Variants in MARCO observed in about 807,000 individuals in gnomAD.
MARCO encodes macrophage receptor with collagenous structure, also known as macrophage receptor MARCO.
A neutral mutation model predicts 70.0 loss-of-function variants in MARCO; 72 were observed. That is an observed-to-expected ratio of 1.03 (90% CI 0.85 to 1.25). MARCO has a LOEUF of 1.25. Among genes scored for constraint, MARCO ranks in the 50% most tolerant of loss-of-function variants. MARCO has a pLI of 0.00. For missense variants in MARCO, 696 were observed against 659.3 expected (o/e 1.06, Z -0.61); for synonymous variants, 273 against 243.1 (o/e 1.12, Z -1.14).
intron 12 of MARCO, among the ~76,000 whole-genome samples, chr2:118,986,755 A>G (rs1255379279): frequency 6.6e-6 from 1 of 151,730 alleles, no homozygotes; most frequent in Non-Finnish European, 1.5e-5. Context: ...AAAGAGAAAG[A>G]AAGAAGAAAG....
chr2:118,955,593 G>A (rs572700313), intron 1 of MARCO, among the ~76,000 whole-genome samples: 194 of 152,282 alleles, frequency 1.3e-3, no homozygotes, highest in African/African-American at 4.4e-3. Flanking sequence ...AACACAAGAA[G>A]CACAAAGAAG....
chr2:118,970,609 G>A (rs558016913), intron 3 of MARCO, among the ~76,000 whole-genome samples: 4 of 152,308 alleles, frequency 2.6e-5, no homozygotes, highest in Non-Finnish European at 5.9e-5. Context: ...TGGGGAGAGA[G>A]CAACTGAAGG....
At chr2:118,971,655 A>G in intron 4 of MARCO, 121 bp downstream of exon 4, 1 of 933,212 alleles carries the variant, frequency 1.1e-6, no homozygotes, top group Non-Finnish European at 1.7e-6. Context: ...CCCTGTCTCC[A>G]CAGCCTCCTT....
chr2:118,986,330 C>G (rs1411805230), intron 12 of MARCO, among the ~76,000 whole-genome samples: 2 of 148,960 alleles, frequency 1.3e-5, no homozygotes, highest in African/African-American at 5.1e-5. Context: ...CGGGGCAAGA[C>G]AGCAATGTCC....
At chr2:118,969,371 C>A in intron 2 of MARCO, 110 bp downstream of exon 2, 1 of 763,154 alleles carries the variant, frequency 1.3e-6, no homozygotes, top group Non-Finnish European at 2.2e-6. Flanking sequence ...GCCACTGCTC[C>A]CATCTGCTGG....
intron 1 of MARCO, among the ~76,000 whole-genome samples, chr2:118,959,014 G>T (rs933485864): frequency 1.3e-5 from 2 of 152,104 alleles, no homozygotes; most frequent in Admixed American, 6.5e-5. Flanking sequence ...TTAAACCAAA[G>T]ACCTGAAACT....
intron 1 of MARCO, among the ~76,000 whole-genome samples, chr2:118,946,409 T>A (rs1325968746): frequency 1.3e-5 from 2 of 152,238 alleles, no homozygotes; most frequent in Admixed American, 6.5e-5. Flanking sequence ...GAATGTTACA[T>A]AAAGAAATTA....
At chr2:118,992,146 G>T (rs1680634679) in intron 14 of MARCO, among the ~76,000 whole-genome samples, 2 of 152,178 alleles carry the variant, frequency 1.3e-5, no homozygotes, top group Admixed American at 6.5e-5. Context: ...CTCCTAGGCA[G>T]TTTCCATGAA....
At chr2:118,949,431 G>A (rs2104547809) in intron 1 of MARCO, 1 of 152,280 alleles carries the variant, frequency 6.6e-6, no homozygotes, top group South Asian at 2.1e-4. Flanking sequence ...TTTGTCATTT[G>A]GCATGAGGCG....
At chr2:118,987,534 A>G (rs1253290368) in intron 12 of MARCO, among the ~76,000 whole-genome samples, 1 of 152,210 alleles carries the variant, frequency 6.6e-6, no homozygotes, top group Non-Finnish European at 1.5e-5. Flanking sequence ...TGCTATAGGA[A>G]CTGTGGGTCT....
At position 118,993,319 on chromosome 2, in the gene MARCO, G is replaced by A. The variant is rs370770232; in HGVS notation, c.1429+19G>A. 41 of 1,612,286 alleles carry A rather than the reference G, an allele frequency of 2.5e-5. No individual in the cohort carries two copies. Among genetic ancestry groups the A allele is most frequent in the East Asian group, 1.1e-4 (5 of 44,870 alleles). The stretch of plus-strand genomic sequence containing the variant: ...GGAGCTGGTAAGTGAGTCATCAGCC[G>A]GGGGCCTCTTCCCCAGAGGTGTGGA... On this transcript the variant is annotated intron_variant, in intron 16 of 16. Coordinates refer to ENST00000327097, the MANE Select transcript of MARCO (RefSeq NM_006770.4).
intron 1 of MARCO, among the ~76,000 whole-genome samples, chr2:118,955,288 C>G (rs995910849): frequency 6.6e-6 from 1 of 152,030 alleles, no homozygotes; most frequent in Admixed American, 6.6e-5. Flanking sequence ...TTTGGACACA[C>G]TTTTAGAGAT....
intron 1 of MARCO, among the ~76,000 whole-genome samples, chr2:118,961,682 G>A (rs1558833485): frequency 6.6e-6 from 1 of 152,140 alleles, no homozygotes; most frequent in African/African-American, 2.4e-5. Flanking sequence ...TGTTCACTCT[G>A]ATGATAGTGT....
intron 14 of MARCO, 90 bp downstream of exon 14, chr2:118,991,965 A>T (rs1185372147): frequency 1.5e-5 from 14 of 932,646 alleles, no homozygotes; most frequent in Non-Finnish European, 2.3e-5. Flanking sequence ...CTGTTTTAAG[A>T]GTTCTGGGGA....
rs369616250 is a variant in MARCO, at chr2:118,994,496, C to T, written c.1539C>T (p.Asp513=). ...WGHHDCSHEE[D]AGVECSV is the part of the protein sequence containing the mutation. The stretch of plus-strand genomic sequence containing the variant: ...ATCATGACTGCAGCCACGAGGAGGA[C>T]GCAGGCGTGGAGTGCAGCGTCTGAC... Residue 513 remains aspartate (D), a synonymous_variant, in exon 17 of 17, where the codon GAC becomes GAT. Coordinates refer to ENST00000327097, the MANE Select transcript of MARCO (RefSeq NM_006770.4). 34 of 1,609,138 alleles carry T rather than the reference C, an allele frequency of 2.1e-5. No individual in the cohort carries two copies. Among genetic ancestry groups the T allele is most frequent in the South Asian group, 3.3e-5 (3 of 90,298 alleles).
At position 118,992,492 on chromosome 2, in the gene MARCO, A is replaced by G; in HGVS notation, c.1252+16A>G. 6.3e-7 allele frequency: 1 copy of G among 1,595,722 alleles called. No individual in the cohort carries two copies. The highest frequency in any genetic ancestry group is 8.6e-7 in the Non-Finnish European group (1 of 1,163,256). Reference sequence around the variant, plus strand: ...GGTGAAAGAGGTAATCACTATTTATATTATCTTTAATGTGTGCTTTAAAGT... The same window carrying G: ...GGTGAAAGAGGTAATCACTATTTATGTTATCTTTAATGTGTGCTTTAAAGT... On this transcript the variant is annotated intron_variant, in intron 15 of 16. Transcript: ENST00000327097.
chr2:118,968,906 C>G (rs369325225), intron 1 of MARCO, among the ~76,000 whole-genome samples: 2 of 152,176 alleles, frequency 1.3e-5, no homozygotes, highest in East Asian at 3.8e-4. Context: ...GATATGACAC[C>G]TTTTCCAGCA....
chr2:118,958,885 G>A (rs958221193), intron 1 of MARCO, among the ~76,000 whole-genome samples: 1 of 151,916 alleles, frequency 6.6e-6, no homozygotes, highest in African/African-American at 2.4e-5. Flanking sequence ...ATAAAGTGGG[G>A]AAAGGACACC....
chr2:118,979,771 C>T (rs1216509430), intron 8 of MARCO, among the ~76,000 whole-genome samples: 1 of 152,188 alleles, frequency 6.6e-6, no homozygotes, highest in African/African-American at 2.4e-5. Context: ...GTCTCTCTTA[C>T]CCATGGCTTG....
Sources: allele counts gnomAD v4.1 joint callset (sites outside exome capture counted in the v4.1 genomes callset), GRCh38; gene constraint gnomAD v4.1.1; transcripts MANE v1.5; gene names NCBI Gene and HGNC (gene_info 2026-07-23, HGNC 2026-07-21).